ADAMTS18: variants seen among roughly 807,000 people sequenced by gnomAD.
ADAMTS18 encodes A disintegrin and metalloproteinase with thrombospondin motifs 18.
ADAMTS18 carries 157 observed loss-of-function variants against 165.9 expected under a neutral mutation model. The ratio of observed to expected loss-of-function variants is 0.95; its 90% CI spans 0.83 to 1.08. The LOEUF (loss-of-function observed/expected upper bound fraction) is 1.08. Ranked by LOEUF, ADAMTS18 falls within the 50% of genes least tolerant of loss-of-function variation. The pLI is 0.00. For synonymous variants in ADAMTS18, 782 were observed against 578.2 expected, an observed-to-expected ratio of 1.35 and a Z score of -5.06; for missense variants, 2,040 against 1,534.0, an observed-to-expected ratio of 1.33 and a Z score of -5.51.
intron 3 of ADAMTS18, among the ~76,000 whole-genome samples, chr16:77,421,508 G>A (rs1411233513): frequency 6.6e-6 from 1 of 152,200 alleles, no homozygotes; most frequent in Non-Finnish European, 1.5e-5. Flanking sequence ...ACTGTTTATT[G>A]CTGATGGTGG....
At chr16:77,389,576 C>A (rs1242113571) in intron 3 of ADAMTS18, among the ~76,000 whole-genome samples, 2 of 152,170 alleles carry the variant, frequency 1.3e-5, no homozygotes, top group Non-Finnish European at 2.9e-5. Flanking sequence ...TAGTCAGTTT[C>A]TTACCAGGAA....
At chr16:77,300,153 G>A (rs1490491370) in intron 17 of ADAMTS18, 110 bp downstream of exon 17, 2 of 1,310,138 alleles carry the variant, frequency 1.5e-6, no homozygotes, top group African/African-American at 1.5e-5. Flanking sequence ...TCTCATAAAA[G>A]ACAGTTCTTG....
Position 77,431,194 on chromosome 16 carries a change from T to C in ADAMTS18, c.495+101A>G, listed in dbSNP as rs1265698768. 9 of 1,235,796 alleles carry C rather than the reference T, an allele frequency of 7.3e-6. No homozygotes were observed. The East Asian group carries it at 2.1e-4, about 29-fold the overall frequency. 76.6% of individuals were successfully genotyped at this position (1,235,796 alleles called of 1,614,324 possible). On this transcript the variant is annotated intron_variant, in intron 3 of 22. Coordinates refer to ENST00000282849, the MANE Select transcript of ADAMTS18 (RefSeq NM_199355.4). ...AGTATCAAGGCTGACAGTGTGAATG[T>C]GTGGAGTTGGCTGGAAGAGCATTTA...
At chr16:77,430,950 G>GC (rs1339795600) in intron 3 of ADAMTS18, among the ~76,000 whole-genome samples, 1 of 152,156 alleles carries the variant, frequency 6.6e-6, no homozygotes, top group Non-Finnish European at 1.5e-5. Flanking sequence ...CCATGTAGAC[G>GC]CATGAAGCTT....
chr16:77,403,778 C>G (rs948992943), intron 3 of ADAMTS18, among the ~76,000 whole-genome samples: 2 of 152,196 alleles, frequency 1.3e-5, no homozygotes, highest in Admixed American at 6.5e-5. Context: ...CCTCACAGCA[C>G]TTACAGTCTA....
intron 20 of ADAMTS18, among the ~76,000 whole-genome samples, chr16:77,292,832 T>A (rs1368460547): frequency 6.6e-6 from 1 of 152,062 alleles, no homozygotes. Flanking sequence ...AGTGACTTTT[T>A]TTTTTGAGAC....
In ADAMTS18 at chr16:77,425,356, C is replaced by T. The variant is rs193031536; in HGVS notation, c.495+5939G>A. On this transcript the variant is annotated intron_variant, in intron 3 of 22. Transcript: ENST00000282849. ...GGAGTTCTCATGGCAGCCTTGATCA[C>T]GGTACATACTCCACTCAGAGCATCA... Among the ~76,000 whole-genome samples the T allele has an allele frequency of 6.2e-3, 941 of 152,260 alleles. 6 individuals are homozygous for T. Among genetic ancestry groups the T allele is most frequent in the Non-Finnish European group, 0.01 (687 of 68,020 alleles).
intron 16 of ADAMTS18, among the ~76,000 whole-genome samples, chr16:77,319,344 T>C (rs1281436069): frequency 6.6e-6 from 1 of 152,162 alleles, no homozygotes; most frequent in Non-Finnish European, 1.5e-5. Context: ...AATCAACCCA[T>C]TCTCTTGGAG....
chr16:77,395,450 T>G (rs1384892371), intron 3 of ADAMTS18, among the ~76,000 whole-genome samples: 1 of 152,196 alleles, frequency 6.6e-6, no homozygotes, highest in Non-Finnish European at 1.5e-5. Context: ...TTCCCTCCAC[T>G]GGGGCTGCTG....
chr16:77,335,040 G>A (rs1349851791), intron 12 of ADAMTS18, among the ~76,000 whole-genome samples: 3 of 143,746 alleles, frequency 2.1e-5, no homozygotes, highest in Non-Finnish European at 4.5e-5. Context: ...TATATTAATA[G>A]TAATTATATA....
intron 19 of ADAMTS18, among the ~76,000 whole-genome samples, chr16:77,294,036 C>A (rs932571609): frequency 1.3e-5 from 2 of 148,740 alleles, no homozygotes; most frequent in African/African-American, 2.4e-5. Flanking sequence ...AATCAGAAAG[C>A]AGCACCCTCC....
Position 77,282,772 on chromosome 16 carries a change from C to CCAA in ADAMTS18, c.*1181_*1183dup, listed in dbSNP as rs1165451885. On this transcript the variant is annotated 3_prime_UTR_variant, in exon 23 of 23. Transcript: ENST00000282849. ...ACAATTTTAAACTCATTAATGCCTA[C>CCAA]CAACAGCTGGCTTCTGATGACTGAA... is the stretch of plus-strand genomic sequence containing the variant. 2.0e-5 allele frequency: 3 copies of CCAA among 152,500 alleles called. No homozygotes were observed. The highest frequency in any genetic ancestry group is 4.4e-5 in the Non-Finnish European group (3 of 68,018). The allele number at this position is 152,500 out of a possible 1,614,324, so 9.4% of individuals were successfully genotyped here.
At chr16:77,391,254 G>T (rs977226602) in intron 3 of ADAMTS18, among the ~76,000 whole-genome samples, 5 of 152,098 alleles carry the variant, frequency 3.3e-5, no homozygotes, top group African/African-American at 1.2e-4. Context: ...TGTAACCCCA[G>T]CACTTTGGGA....
chr16:77,370,189 C>A (rs2056856385), intron 3 of ADAMTS18, among the ~76,000 whole-genome samples: 1 of 152,098 alleles, frequency 6.6e-6, no homozygotes, highest in Non-Finnish European at 1.5e-5. Context: ...CAAAGATGCC[C>A]ACTTTCACCA....
chr16:77,298,333 C>T (rs2055515399), intron 17 of ADAMTS18, among the ~76,000 whole-genome samples: 1 of 151,904 alleles, frequency 6.6e-6, no homozygotes, highest in African/African-American at 2.4e-5. Flanking sequence ...TTTTTAGTTC[C>T]CCAAATAGAG....
Position 77,353,695 on chromosome 16 carries a change from G to C in ADAMTS18, c.1614+38C>G, listed in dbSNP as rs752636805. The C allele has an allele frequency of 6.2e-6, 10 of 1,613,974 alleles. No individual in the cohort carries two copies. In the Middle Eastern group the frequency reaches 8.3e-4, roughly 133 times the overall value. ...CTGTTAGGGACACAGACACATTGCA[G>C]AGTCTTAATGTAAGTTTGAAATCAC... On this transcript the variant is annotated intron_variant, in intron 10 of 22. Coordinates refer to ENST00000282849, the MANE Select transcript of ADAMTS18 (RefSeq NM_199355.4).
chr16:77,343,314 T>C (rs1252563524), intron 10 of ADAMTS18, among the ~76,000 whole-genome samples: 5 of 152,212 alleles, frequency 3.3e-5, no homozygotes, highest in Admixed American at 2.6e-4. Flanking sequence ...CCTCAGGTGA[T>C]CTGCCCGCCT....
intron 12 of ADAMTS18, among the ~76,000 whole-genome samples, chr16:77,332,673 A>C (rs1047311856): frequency 6.6e-6 from 1 of 152,150 alleles, no homozygotes; most frequent in African/African-American, 2.4e-5. Context: ...CACATGTTTC[A>C]TGTGGGAGTT....
intron 3 of ADAMTS18, among the ~76,000 whole-genome samples, chr16:77,411,085 G>A (rs867887806): frequency 1.3e-5 from 2 of 152,172 alleles, no homozygotes; most frequent in Admixed American, 6.5e-5. Flanking sequence ...GTGATGAGTG[G>A]AACAGAGTAG....
Sources: gnomAD v4.1 joint callset for allele counts (sites outside exome capture counted in the v4.1 genomes callset) on GRCh38, gnomAD v4.1.1 for gene constraint, MANE v1.5 for transcripts, NCBI Gene and HGNC (gene_info 2026-07-23, HGNC 2026-07-21) for gene names.